The following ADGRL3 variants were observed in gnomAD, a reference collection of about 807,000 sequenced individuals.
The protein encoded by ADGRL3 is calcium-independent alpha-latrotoxin receptor 3.
A neutral mutation model predicts 153.5 loss-of-function variants in ADGRL3; 62 were observed. The ratio of observed to expected loss-of-function variants is 0.40; its 90% CI spans 0.33 to 0.50. The LOEUF (loss-of-function observed/expected upper bound fraction) is 0.50, where lower values mean the gene tolerates loss of function less well. ADGRL3 is among the 20% of genes least tolerant of loss of function. ADGRL3 has a pLI of 0.47. For synonymous variants in ADGRL3, 710 were observed against 672.5 expected, an observed-to-expected ratio of 1.06 and a Z score of -0.86; for missense variants, 1,641 against 1,859.4, an observed-to-expected ratio of 0.88 and a Z score of 2.16.
chr4:61,638,448 G>A (rs777168828), intron 5 of ADGRL3, among the ~76,000 whole-genome samples: 1 of 152,098 alleles, frequency 6.6e-6, no homozygotes, highest in Non-Finnish European at 1.5e-5. Flanking sequence ...CTAGGCATTT[G>A]TCAAAACTGA....
At chr4:61,229,866 G>A (rs920857810) in intron 1 of ADGRL3, among the ~76,000 whole-genome samples, 1 of 145,304 alleles carries the variant, frequency 6.9e-6, no homozygotes, top group Non-Finnish European at 1.5e-5. Context: ...GAGATTGTGA[G>A]CTCCAGCCTG....
At chr4:62,020,300 G>GA (rs2099232145) in intron 21 of ADGRL3, among the ~76,000 whole-genome samples, 1 of 151,900 alleles carries the variant, frequency 6.6e-6, no homozygotes, top group African/African-American at 2.4e-5. Context: ...TCTCTTAGTG[G>GA]AAAAAAGAAA....
intron 1 of ADGRL3, among the ~76,000 whole-genome samples, chr4:61,311,978 C>T (rs1367833782): frequency 6.6e-6 from 1 of 152,072 alleles, no homozygotes; most frequent in Non-Finnish European, 1.5e-5. Flanking sequence ...GGAGGCTATG[C>T]ATCTATGGGG....
chr4:61,627,834 T>A (rs906677418), intron 5 of ADGRL3, among the ~76,000 whole-genome samples: 2 of 152,078 alleles, frequency 1.3e-5, no homozygotes, highest in African/African-American at 4.8e-5. Flanking sequence ...CATTAAACTT[T>A]AAAAAAATAT....
intron 1 of ADGRL3, among the ~76,000 whole-genome samples, chr4:61,372,613 G>T (rs570806484): frequency 6.6e-6 from 1 of 152,318 alleles, no homozygotes; most frequent in South Asian, 2.1e-4. Context: ...CGTGCTGGGA[G>T]AACCACTGCT....
chr4:61,551,464 A>G (rs2098740140), intron 4 of ADGRL3, among the ~76,000 whole-genome samples: 1 of 152,166 alleles, frequency 6.6e-6, no homozygotes, highest in Non-Finnish European at 1.5e-5. Flanking sequence ...TAAGAATTTT[A>G]ATTCTAGAGG....
At chr4:61,640,592 G>A (rs559483064) in intron 5 of ADGRL3, among the ~76,000 whole-genome samples, 30 of 152,268 alleles carry the variant, frequency 2.0e-4, no homozygotes, top group African/African-American at 6.7e-4. Context: ...TGAGAACTAT[G>A]TTTTGTTCAT....
At chr4:61,841,073 A>G (rs2098023693) in intron 9 of ADGRL3, among the ~76,000 whole-genome samples, 1 of 152,190 alleles carries the variant, frequency 6.6e-6, no homozygotes, top group Non-Finnish European at 1.5e-5. Context: ...GTAAAGCTAT[A>G]AACTCTAGAT....
At chr4:61,309,216 G>A (rs1447645905) in intron 1 of ADGRL3, among the ~76,000 whole-genome samples, 4 of 152,188 alleles carry the variant, frequency 2.6e-5, no homozygotes, top group Non-Finnish European at 2.9e-5. Flanking sequence ...TTTGAATTCA[G>A]TAAATTAAAA....
At chr4:61,512,713 T>G (rs1049933956) in intron 3 of ADGRL3, among the ~76,000 whole-genome samples, 3 of 152,174 alleles carry the variant, frequency 2.0e-5, no homozygotes, top group African/African-American at 4.8e-5. Context: ...AGAGAACTGT[T>G]TGGTAAAATT....
At chr4:61,715,006 T>G (rs1453544100) in intron 6 of ADGRL3, among the ~76,000 whole-genome samples, 1 of 152,152 alleles carries the variant, frequency 6.6e-6, no homozygotes, top group Non-Finnish European at 1.5e-5. Context: ...TTTCAAGTAT[T>G]TAATTATTTA....
chr4:61,985,184 T>C (rs1467780057), intron 19 of ADGRL3, among the ~76,000 whole-genome samples: 1 of 152,102 alleles, frequency 6.6e-6, no homozygotes, highest in Non-Finnish European at 1.5e-5. Context: ...TTAATTGCAT[T>C]GCCTGTGGTT....
chr4:61,239,976 C>A (rs1235056118), intron 1 of ADGRL3, among the ~76,000 whole-genome samples: 2 of 152,102 alleles, frequency 1.3e-5, no homozygotes, highest in Non-Finnish European at 2.9e-5. Flanking sequence ...GGTTTTCAGA[C>A]CTACCTCATT....
chr4:61,723,395 A>G (rs1356682806), intron 6 of ADGRL3, among the ~76,000 whole-genome samples: 1 of 152,148 alleles, frequency 6.6e-6, no homozygotes. Flanking sequence ...AGGAGAGGAA[A>G]GTTTAATAGG....
At chr4:61,584,494 G>T (rs2098938544) in intron 4 of ADGRL3, among the ~76,000 whole-genome samples, 1 of 151,922 alleles carries the variant, frequency 6.6e-6, no homozygotes, top group South Asian at 2.1e-4. Flanking sequence ...TGACAAAATT[G>T]ACCCATGAGT....
chr4:61,757,654 T>G (rs1274694242), intron 8 of ADGRL3, among the ~76,000 whole-genome samples: 1 of 152,162 alleles, frequency 6.6e-6, no homozygotes. Context: ...ATTTCTTGCC[T>G]TCTACTAGCT....
intron 2 of ADGRL3, among the ~76,000 whole-genome samples, chr4:61,410,111 T>C (rs2097066102): frequency 6.6e-6 from 1 of 152,022 alleles, no homozygotes; most frequent in African/African-American, 2.4e-5. Context: ...TTTTTTTTTC[T>C]AGTAATTCAT....
intron 25 of ADGRL3, among the ~76,000 whole-genome samples, chr4:62,059,869 A>G (rs1244936204): frequency 6.6e-6 from 1 of 152,188 alleles, no homozygotes; most frequent in African/African-American, 2.4e-5. Flanking sequence ...CTGTCTTCTC[A>G]GATTAATAGT....
At chr4:61,395,495 C>G (rs577225577) in intron 2 of ADGRL3, among the ~76,000 whole-genome samples, 1 of 151,786 alleles carries the variant, frequency 6.6e-6, no homozygotes, top group South Asian at 2.1e-4. Flanking sequence ...AAAACTTATA[C>G]AGATAATTTC....
Sources: allele counts gnomAD v4.1 joint callset (sites outside exome capture counted in the v4.1 genomes callset), GRCh38; gene constraint gnomAD v4.1.1; transcripts MANE v1.5; gene names NCBI Gene and HGNC (gene_info 2026-07-23, HGNC 2026-07-21).